The following M1AP variants were observed in gnomAD, a reference collection of about 807,000 sequenced individuals.
M1AP encodes the protein meiosis 1 associated protein.
A neutral mutation model predicts 51.2 loss-of-function variants in M1AP; 39 were observed. The observed-to-expected ratio is 0.76, with a 90% confidence interval of 0.59 to 1.00. M1AP has a LOEUF of 1.00. Among genes scored for constraint, M1AP ranks in the 50% least tolerant of loss-of-function variants. The probability of loss-of-function intolerance (pLI) is 0.00; values close to 1 mark genes in which losing one functional copy is unlikely to be tolerated. For missense variants in M1AP, 545 were observed against 641.2 expected (o/e 0.85, Z 1.62); for synonymous variants, 251 against 249.2 (o/e 1.01, Z -0.07).
intron 4 of M1AP, among the ~76,000 whole-genome samples, chr2:74,599,343 C>A (rs1358166875): frequency 1.3e-5 from 2 of 151,748 alleles, no homozygotes; most frequent in Non-Finnish European, 2.9e-5. Context: ...CTTCCCCAAC[C>A]CTTGTCATGA....
chr2:74,584,805 C>CATAT (rs57709358), intron 4 of M1AP, among the ~76,000 whole-genome samples: 4,212 of 139,212 alleles, frequency 0.03, 83 homozygotes, highest in African/African-American at 0.053. Context: ...ATGTTATTGC[C>CATAT]ATATATATAT....
At chr2:74,602,629 T>G (rs1317351386) in intron 4 of M1AP, among the ~76,000 whole-genome samples, 1 of 152,194 alleles carries the variant, frequency 6.6e-6, no homozygotes, top group African/African-American at 2.4e-5. Flanking sequence ...GAAGCTGCTG[T>G]TGCCAATGTC....
intron 3 of M1AP, among the ~76,000 whole-genome samples, chr2:74,611,902 T>TG (rs1573144442): frequency 2.0e-5 from 2 of 97,712 alleles, no homozygotes; most frequent in South Asian, 9.9e-4. Context: ...TTTTTTTTTT[T>TG]TTTTTTTTTG....
chr2:74,562,332 G>A lies in M1AP; in HGVS notation c.1166C>T (p.Pro389Leu), dbSNP rs751126701. Residue 389 changes from proline (P) to leucine (L), a missense_variant, in exon 8 of 11, where the codon CCG (proline) becomes CTG (leucine). Coordinates refer to ENST00000421985, the MANE Select transcript of M1AP (RefSeq NM_001321739.2). ...IPASTFYVIMPSHSLTLLVKA... is the reference protein window; with the variant it reads ...IPASTFYVIMLSHSLTLLVKA... Reference sequence around the variant, plus strand: ...TACCAGCAGTGTGAGGGAGTGTGACGGCATGATCACATAGAAGGTGCTGGC... The same window carrying A: ...TACCAGCAGTGTGAGGGAGTGTGACAGCATGATCACATAGAAGGTGCTGGC... The A allele has an allele frequency of 6.8e-6, 11 of 1,614,122 alleles. No individual in the cohort carries two copies. The highest frequency in any genetic ancestry group is 2.2e-5 in the East Asian group (1 of 44,904).
chr2:74,605,660 G>A (rs1680930946), intron 4 of M1AP, among the ~76,000 whole-genome samples: 2 of 152,136 alleles, frequency 1.3e-5, no homozygotes, highest in Admixed American at 6.5e-5. Flanking sequence ...CAGCACTTTG[G>A]GAGGCTGAGG....
rs1439705003 is a variant in M1AP at position 74,589,049 on chromosome 2, G to C, written c.596-7202C>G. Among the ~76,000 whole-genome samples the C allele has an allele frequency of 6.6e-5, 10 of 152,244 alleles. 1 individual carries two copies. Among genetic ancestry groups the C allele is most frequent in the Non-Finnish European group, 1.5e-4 (10 of 68,042 alleles). The stretch of plus-strand genomic sequence containing the variant: ...GATAGATACTATGAAGAAAAATAAA[G>C]GGGCGTGTGTGTGTGCACGCGCGCG... On this transcript the variant is annotated intron_variant, in intron 4 of 10. Transcript: ENST00000421985.
At chr2:74,576,426 A>C in intron 6 of M1AP, 30 bp downstream of exon 6, 1 of 1,609,888 alleles carries the variant, frequency 6.2e-7, no homozygotes. Flanking sequence ...TAGCATTTGC[A>C]TGGATTGGGG....
At chr2:74,598,920 C>A (rs1266905085) in intron 4 of M1AP, among the ~76,000 whole-genome samples, 1 of 151,996 alleles carries the variant, frequency 6.6e-6, no homozygotes, top group African/African-American at 2.4e-5. Flanking sequence ...CCACACCCAG[C>A]CATTTTCATG....
chr2:74,616,881 A>C lies in M1AP; in HGVS notation c.241-1732T>G, dbSNP rs115138079. On this transcript the variant is annotated intron_variant, in intron 2 of 10. Transcript: ENST00000421985. ...AGCTCAGGTTTGTGTGAATAAATAA[A>C]ATAATTACTGATCGAATGACACAAC... 7.0e-3 allele frequency among the ~76,000 whole-genome samples: 1,074 copies of C among 152,342 alleles called. 16 individuals carry two copies. Among genetic ancestry groups the C allele is most frequent in the African/African-American group, 0.025 (1,022 of 41,572 alleles).
Position 74,576,485 on chromosome 2 carries a change from C to T in M1AP, c.903G>A (p.Ser301=), listed in dbSNP as rs145804668. The T allele has an allele frequency of 8.7e-4, 1,406 of 1,613,862 alleles. 1 individual carries two copies. The highest frequency in any genetic ancestry group is 1.0e-3 in the Non-Finnish European group (1,199 of 1,179,968). Reference sequence around the variant, plus strand: ...TCACTTGGAGCTTGTAATGAGAGGCCGATGACTGGGAAGCCATCTGGTAGA... The same window carrying T: ...TCACTTGGAGCTTGTAATGAGAGGCTGATGACTGGGAAGCCATCTGGTAGA... ...ITLYQMASQS[S]ASHYKLQVIK... The change falls in exon 6 of 11, where the codon TCG becomes TCA. Residue 301 remains serine (S), a synonymous_variant. Coordinates refer to ENST00000421985, the MANE Select transcript of M1AP (RefSeq NM_001321739.2).
chr2:74,633,310 TA>T (rs1237660716), intron 2 of M1AP, among the ~76,000 whole-genome samples: 1 of 152,174 alleles, frequency 6.6e-6, no homozygotes, highest in East Asian at 1.9e-4. Flanking sequence ...CACTTCCTTG[TA>T]AAATTTCATT....
At chr2:74,582,661 T>C (rs1359838239) in intron 4 of M1AP, among the ~76,000 whole-genome samples, 1 of 152,186 alleles carries the variant, frequency 6.6e-6, no homozygotes, top group Non-Finnish European at 1.5e-5. Flanking sequence ...TGAGATACTT[T>C]CCCTTTTTAC....
intron 1 of M1AP, among the ~76,000 whole-genome samples, chr2:74,644,664 G>C (rs917969732): frequency 1.3e-5 from 2 of 152,022 alleles, no homozygotes; most frequent in Non-Finnish European, 2.9e-5. Flanking sequence ...TTTAAAAATT[G>C]AGTTCCAATT....
In M1AP at chr2:74,600,283, T is replaced by C. The variant is rs573868618; in HGVS notation, c.595+6772A>G. Among the ~76,000 whole-genome samples the C allele has an allele frequency of 2.0e-5, 3 of 152,370 alleles. No homozygotes were observed. The South Asian group carries it at 6.2e-4, about 32-fold the overall frequency. ...TGTAGAAACTATTTAGAACAGAAAGTATTTGAACAGTAAGTATTCAGTAAA... is the reference window on the plus strand; with the variant it reads ...TGTAGAAACTATTTAGAACAGAAAGCATTTGAACAGTAAGTATTCAGTAAA... On this transcript the variant is annotated intron_variant, in intron 4 of 10. Transcript: ENST00000421985.
At chr2:74,587,042 C>T (rs1053935443) in intron 4 of M1AP, among the ~76,000 whole-genome samples, 2 of 151,608 alleles carry the variant, frequency 1.3e-5, no homozygotes, top group Admixed American at 6.6e-5. Flanking sequence ...TGATTTTGGG[C>T]GAAGTGGAAT....
chr2:74,608,175 T>G lies in M1AP; in HGVS notation c.427-952A>C, dbSNP rs75289301. Among the ~76,000 whole-genome samples the G allele has an allele frequency of 2.8e-3, 434 of 152,296 alleles. 1 individual carries two copies. The highest frequency in any genetic ancestry group is 9.7e-3 in the African/African-American group (405 of 41,550). On this transcript the variant is annotated intron_variant, in intron 3 of 10. Coordinates refer to ENST00000421985, the MANE Select transcript of M1AP (RefSeq NM_001321739.2). ...ACAAATGCATAATGACATGTACCCA[T>G]CAGTATAATAAATATCATATTGAGC...
intron 2 of M1AP, among the ~76,000 whole-genome samples, chr2:74,635,842 T>C (rs1446787720): frequency 3.3e-5 from 5 of 152,130 alleles, no homozygotes; most frequent in African/African-American, 7.2e-5. Flanking sequence ...TCAGAGAACA[T>C]ACTATGCATG....
chr2:74,602,615 G>T (rs908473104), intron 4 of M1AP, among the ~76,000 whole-genome samples: 1 of 152,176 alleles, frequency 6.6e-6, no homozygotes, highest in Admixed American at 6.5e-5. Context: ...TTCTGAGAAT[G>T]AGAGAAGCTG....
chr2:74,606,331 A>C (rs112687934), intron 4 of M1AP, among the ~76,000 whole-genome samples: 1 of 152,376 alleles, frequency 6.6e-6, no homozygotes, highest in Non-Finnish European at 1.5e-5. Context: ...TCATTAGCCC[A>C]TGAAGCCAGC....
Sources: gnomAD v4.1 joint callset for allele counts (sites outside exome capture counted in the v4.1 genomes callset) on GRCh38, gnomAD v4.1.1 for gene constraint, MANE v1.5 for transcripts, NCBI Gene and HGNC (gene_info 2026-07-23, HGNC 2026-07-21) for gene names.